Variants in CBFB observed in about 807,000 individuals in gnomAD.
CBFB encodes the protein core-binding factor subunit beta, also known as CBF-beta.
In CBFB, 9 loss-of-function variants were observed where a neutral mutation model predicts 30.4. The observed-to-expected ratio is 0.30, with a 90% CI of 0.18 to 0.52. CBFB has a LOEUF of 0.52. Ranked by LOEUF, CBFB falls within the 20% of genes least tolerant of loss-of-function variation. The pLI is 0.97. For missense variants in CBFB, 170 were observed against 244.0 expected, an observed-to-expected ratio of 0.70 and a Z score of 2.02; for synonymous variants, 94 against 84.0, an observed-to-expected ratio of 1.12 and a Z score of -0.65.
chr16:67,036,544 G>A, intron 2 of CBFB, 95 bp from the exon 3 acceptor site: 1 of 741,052 alleles, frequency 1.3e-6, no homozygotes, highest in East Asian at 2.5e-5. Context: ...GTGCTGCCTG[G>A]CTTAAGACAT....
chr16:67,059,213 G>A (rs534537565), intron 3 of CBFB, among the ~76,000 whole-genome samples: 2 of 152,136 alleles, frequency 1.3e-5, no homozygotes, highest in Non-Finnish European at 2.9e-5. Context: ...GACCCTCAAA[G>A]AACTATTTGT....
chr16:67,097,887 C>T (rs1962100114), intron 5 of CBFB, among the ~76,000 whole-genome samples: 1 of 152,044 alleles, frequency 6.6e-6, no homozygotes, highest in African/African-American at 2.4e-5. Flanking sequence ...ATGTTCGTAC[C>T]TGTGAATAGC....
chr16:67,031,171 T>C (rs1329811443), intron 2 of CBFB, among the ~76,000 whole-genome samples: 1 of 152,250 alleles, frequency 6.6e-6, no homozygotes, highest in East Asian at 1.9e-4. Flanking sequence ...TGAAAGCTTT[T>C]TAGAGTTGTA....
intron 3 of CBFB, among the ~76,000 whole-genome samples, chr16:67,041,527 G>C (rs140613539): frequency 1.3e-5 from 2 of 152,034 alleles, no homozygotes; most frequent in Non-Finnish European, 1.5e-5. Flanking sequence ...GCTTGAACCC[G>C]GGAAGGGGAG....
At position 67,048,832 on chromosome 16, in the gene CBFB, T is replaced by C. The variant is rs560703910; in HGVS notation, c.282+12077T>C. ...CCTTTTTTTTTTTTTTCTTTTTTTT[T>C]TTTTTGAGATGGAGTTTCACTCTTG... On this transcript the variant is annotated intron_variant, in intron 3 of 5. Transcript: ENST00000412916. Among the ~76,000 whole-genome samples, 101 of 146,112 alleles carry C rather than the reference T, an allele frequency of 6.9e-4. 1 individual carries two copies. In the South Asian group the frequency reaches 0.014, roughly 20 times the overall value.
chr16:67,037,002 G>A (rs368113541), intron 3 of CBFB, among the ~76,000 whole-genome samples: 1 of 152,016 alleles, frequency 6.6e-6, no homozygotes, highest in Non-Finnish European at 1.5e-5. Context: ...AGTTTCAAGC[G>A]ATTCTCCTGC....
intron 4 of CBFB, among the ~76,000 whole-genome samples, chr16:67,072,628 G>A (rs138864186): frequency 0.079 from 11,936 of 151,788 alleles, 1,398 homozygotes; most frequent in African/African-American, 0.26. Context: ...CACCATGCCC[G>A]GCTAATTTTG....
chr16:67,092,454 G>C (rs547856801), intron 5 of CBFB, among the ~76,000 whole-genome samples: 1 of 152,168 alleles, frequency 6.6e-6, no homozygotes, highest in Non-Finnish European at 1.5e-5. Flanking sequence ...CCATAGGTCT[G>C]ATTCTGTGTT....
intron 3 of CBFB, 106 bp from the exon 4 acceptor site, chr16:67,066,576 A>G (rs1265593245): frequency 5.1e-6 from 3 of 582,734 alleles, no homozygotes; most frequent in Non-Finnish European, 6.2e-6. Flanking sequence ...TCAGTCAATC[A>G]TAATTTTATT....
At position 67,099,576 on chromosome 16, in the gene CBFB, T is replaced by C; in HGVS notation, c.*798T>C. The stretch of plus-strand genomic sequence containing the variant: ...AAAAGTTTTAAATTGGTATTAACTC[T>C]GTACTCTGCCCTAGATTGTTTTAGC... On this transcript the variant is annotated 3_prime_UTR_variant, in exon 6 of 6. Coordinates refer to ENST00000412916, the MANE Select transcript of CBFB (RefSeq NM_022845.3). The C allele has an allele frequency of 4.9e-6, 1 of 202,812 alleles. No individual in the cohort carries two copies. The highest frequency in any genetic ancestry group is 1.0e-5 in the Non-Finnish European group (1 of 98,480). The allele number at this position is 202,812 out of a possible 1,614,324, so 12.6% of individuals were successfully genotyped here.
intron 3 of CBFB, among the ~76,000 whole-genome samples, chr16:67,059,917 T>C (rs1320998122): frequency 6.6e-6 from 1 of 152,236 alleles, no homozygotes; most frequent in African/African-American, 2.4e-5. Context: ...CTCATAGATA[T>C]CCCTTATATG....
intron 4 of CBFB, among the ~76,000 whole-genome samples, chr16:67,073,252 G>A (rs186608979): frequency 2.8e-4 from 43 of 152,192 alleles, no homozygotes; most frequent in African/African-American, 1.0e-3. Context: ...ATTTTCACAG[G>A]TATTGTCTCT....
chr16:67,040,590 TCA>T (rs1966513039), intron 3 of CBFB, among the ~76,000 whole-genome samples: 1 of 152,238 alleles, frequency 6.6e-6, no homozygotes, highest in Admixed American at 6.5e-5. Context: ...AAAAATTTAT[TCA>T]TTCAGAAGGT....
chr16:67,099,447 T>A lies in CBFB; in HGVS notation c.*669T>A, dbSNP rs1267234380. On this transcript the variant is annotated 3_prime_UTR_variant, in exon 6 of 6. Coordinates refer to ENST00000412916, the MANE Select transcript of CBFB (RefSeq NM_022845.3). ...TTTTTTTTTTTTAATAGAGACAGGGTCTCGCAGTGTTGCCCAGGCTGGTCT... is the reference window on the plus strand; with the variant it reads ...TTTTTTTTTTTTAATAGAGACAGGGACTCGCAGTGTTGCCCAGGCTGGTCT... 9.7e-6 allele frequency: 2 copies of A among 205,914 alleles called. No individual in the cohort carries two copies. Among genetic ancestry groups the A allele is most frequent in the African/African-American group, 4.6e-5 (2 of 43,628 alleles). 12.8% of individuals were successfully genotyped at this position (205,914 alleles called of 1,614,324 possible).
Position 67,037,158 on chromosome 16 carries a change from A to G in CBFB, c.282+403A>G, listed in dbSNP as rs1160667030. On this transcript the variant is annotated intron_variant, in intron 3 of 5. Coordinates refer to ENST00000412916, the MANE Select transcript of CBFB (RefSeq NM_022845.3). ...GTGATCCGCCCACCTCTGCCTCCCA[A>G]AGTGTTGGGATTACAGGCGTGAGCC... 2.0e-5 allele frequency among the ~76,000 whole-genome samples: 3 copies of G among 152,228 alleles called. No individual in the cohort carries two copies. The East Asian group carries it at 5.8e-4, about 29-fold the overall frequency.
chr16:67,057,317 G>A (rs1960759419), intron 3 of CBFB, among the ~76,000 whole-genome samples: 1 of 152,122 alleles, frequency 6.6e-6, no homozygotes, highest in African/African-American at 2.4e-5. Flanking sequence ...TGTTCAATTT[G>A]GAAGTTTATT....
intron 3 of CBFB, among the ~76,000 whole-genome samples, chr16:67,053,618 C>A (rs556894246): frequency 1.8e-4 from 27 of 151,984 alleles, no homozygotes; most frequent in Non-Finnish European, 4.4e-5. Flanking sequence ...AGGGTCAAGT[C>A]CGGATTCAGC....
chr16:67,079,699 A>G (rs1961502094), intron 4 of CBFB, among the ~76,000 whole-genome samples: 1 of 152,110 alleles, frequency 6.6e-6, no homozygotes. Context: ...CTTTCTTGGA[A>G]GCCCCATTAG....
intron 4 of CBFB, among the ~76,000 whole-genome samples, chr16:67,074,557 A>G (rs531825854): frequency 1.3e-5 from 2 of 151,932 alleles, no homozygotes; most frequent in Non-Finnish European, 2.9e-5. Flanking sequence ...TAATTTTTGT[A>G]TTTTTAGTAG....
Sources: gnomAD v4.1 joint callset for allele counts (sites outside exome capture counted in the v4.1 genomes callset) on GRCh38, gnomAD v4.1.1 for gene constraint, MANE v1.5 for transcripts, NCBI Gene and HGNC (gene_info 2026-07-23, HGNC 2026-07-21) for gene names.